The following LMO7 variants were observed in gnomAD, a reference collection of about 807,000 sequenced individuals.
LMO7 encodes the protein LIM domain only protein 7.
A neutral mutation model predicts 206.5 loss-of-function variants in LMO7; 120 were observed. The observed-to-expected ratio is 0.58, with a 90% CI of 0.50 to 0.68. LMO7 has a LOEUF of 0.68. Among genes scored for constraint, LMO7 ranks in the 30% least tolerant of loss-of-function variants. The pLI is 0.00. For missense variants in LMO7, 1,959 were observed against 1,957.9 expected, an observed-to-expected ratio of 1.00 and a Z score of -0.01; for synonymous variants, 706 against 681.5, an observed-to-expected ratio of 1.04 and a Z score of -0.56.
intron 14 of LMO7, among the ~76,000 whole-genome samples, chr13:75,823,087 G>C (rs2057765099): frequency 6.6e-6 from 1 of 151,932 alleles, no homozygotes; most frequent in East Asian, 1.9e-4. Flanking sequence ...AGAACACCAA[G>C]ACCTTTTGGC....
rs766701345 is a variant in LMO7 at position 75,853,113 on chromosome 13, G to A, written c.4386G>A (p.Leu1462=). The change falls in exon 28 of 31, where the codon CTG becomes CTA. Residue 1462 remains leucine (L), a synonymous_variant. Transcript: ENST00000377534. ...IMRRGESLDN[L]DSPRSNSWRQ... is the part of the protein sequence containing the mutation. ...TCAGAGGCGAATCTTTAGATAACCT[G>A]GACTCCCCCCGATCCAATTCTTGGA... The A allele has an allele frequency of 1.2e-6, 2 of 1,608,066 alleles. No homozygotes were observed. The highest frequency in any genetic ancestry group is 1.7e-6 in the Non-Finnish European group (2 of 1,176,226).
chr13:75,736,762 A>G (rs2045858656), intron 3 of LMO7, among the ~76,000 whole-genome samples: 1 of 152,236 alleles, frequency 6.6e-6, no homozygotes, highest in Admixed American at 6.5e-5. Flanking sequence ...CTGACCTCTA[A>G]GGATTCCTTG....
intron 1 of LMO7, among the ~76,000 whole-genome samples, chr13:75,639,212 G>T (rs2036269313): frequency 6.6e-6 from 1 of 152,082 alleles, no homozygotes; most frequent in South Asian, 2.1e-4. Flanking sequence ...TTTTAGAGTG[G>T]AGGAGGAAGA....
In LMO7 at chr13:75,678,743, T is replaced by C. The variant is rs141328217; in HGVS notation, c.70-34439T>C. On this transcript the variant is annotated intron_variant, in intron 1 of 30. Transcript: ENST00000377534. ...AAATGGAGTGATAAATGTCAGAAAA[T>C]GATAAATAATTTTTTTTCTGTTTGA... 4.5e-3 allele frequency among the ~76,000 whole-genome samples: 687 copies of C among 152,266 alleles called. 7 individuals carry two copies. Among genetic ancestry groups the C allele is most frequent in the African/African-American group, 0.016 (658 of 41,548 alleles).
intron 29 of LMO7, among the ~76,000 whole-genome samples, chr13:75,855,640 A>G (rs2060872625): frequency 6.6e-6 from 1 of 152,258 alleles, no homozygotes; most frequent in African/African-American, 2.4e-5. Flanking sequence ...TTTCTCTAAG[A>G]TGCTGTCAGA....
intron 1 of LMO7, among the ~76,000 whole-genome samples, chr13:75,691,309 A>G (rs1350785948): frequency 1.3e-5 from 2 of 152,240 alleles, no homozygotes; most frequent in Non-Finnish European, 2.9e-5. Context: ...GGGTGTGTTG[A>G]GTAGAGGATG....
chr13:75,735,345 G>C (rs1356478692), intron 3 of LMO7, among the ~76,000 whole-genome samples: 1 of 151,432 alleles, frequency 6.6e-6, no homozygotes, highest in Non-Finnish European at 1.5e-5. Context: ...AAGATTGGTG[G>C]GTTCTGTGTG....
At chr13:75,627,525 T>C (rs943333867) in intron 2 of LMO7, 2 of 152,210 alleles carry the variant, frequency 1.3e-5, no homozygotes, top group East Asian at 3.8e-4. Flanking sequence ...TTTGAATTGA[T>C]AGTAAGGTTA....
At chr13:75,707,956 A>T (rs1481509598) in intron 1 of LMO7, among the ~76,000 whole-genome samples, 2 of 152,102 alleles carry the variant, frequency 1.3e-5, no homozygotes, top group African/African-American at 4.8e-5. Context: ...GGGTTTTCTG[A>T]ATAGCTTTGA....
At chr13:75,747,418 G>A (rs555028726) in intron 3 of LMO7, among the ~76,000 whole-genome samples, 8 of 152,244 alleles carry the variant, frequency 5.3e-5, no homozygotes, top group South Asian at 4.2e-4. Flanking sequence ...GGCCTAATAC[G>A]GATGCTACAA....
intron 1 of LMO7, chr13:75,623,122 T>G: frequency 6.2e-6 from 3 of 486,576 alleles, no homozygotes; most frequent in Non-Finnish European, 7.4e-6. Context: ...GGGACCAGCA[T>G]TTATTTATTT....
In LMO7 at chr13:75,684,795, A is replaced by ATGTG. The variant is rs202135001; in HGVS notation, c.70-28377_70-28374dup. 2.0e-4 allele frequency among the ~76,000 whole-genome samples: 30 copies of ATGTG among 151,028 alleles called. No homozygotes were observed. The East Asian group carries it at 5.7e-3, about 29-fold the overall frequency. ...TGTGTGTATATACGTATGTGTATAT[A>ATGTG]TGTGTGTGTGTGTATATGTATATAC... On this transcript the variant is annotated intron_variant, in intron 1 of 30. Transcript: ENST00000377534.
At chr13:75,732,178 C>A (rs1262416708) in intron 3 of LMO7, among the ~76,000 whole-genome samples, 3 of 152,144 alleles carry the variant, frequency 2.0e-5, no homozygotes, top group African/African-American at 4.8e-5. Flanking sequence ...GCCTGCCTTG[C>A]TAGATTGGGG....
intron 26 of LMO7, among the ~76,000 whole-genome samples, chr13:75,848,447 C>CTATG (rs2060181748): frequency 6.6e-6 from 1 of 151,916 alleles, no homozygotes; most frequent in African/African-American, 2.4e-5. Context: ...ATCTATCTAT[C>CTATG]TATCTATCTA....
chr13:75,715,705 T>C (rs2043479095), intron 2 of LMO7, among the ~76,000 whole-genome samples: 1 of 152,222 alleles, frequency 6.6e-6, no homozygotes, highest in South Asian at 2.1e-4. Context: ...AGCTGTGGTG[T>C]TAACGAATAA....
At chr13:75,855,198 T>A in intron 28 of LMO7, 62 bp from the exon 29 acceptor site, 1 of 973,738 alleles carries the variant, frequency 1.0e-6, no homozygotes, top group South Asian at 1.4e-5. Context: ...AGTGTGACTT[T>A]TAAAGAAGAA....
intron 3 of LMO7, among the ~76,000 whole-genome samples, chr13:75,738,174 A>G (rs542445393): frequency 6.6e-6 from 1 of 152,328 alleles, no homozygotes; most frequent in South Asian, 2.1e-4. Flanking sequence ...TATAGTAAAA[A>G]TTTCTGTGTA....
chr13:75,796,619 A>T lies in LMO7; in HGVS notation c.349-17A>T, dbSNP rs79554412. On this transcript the variant is annotated splice_polypyrimidine_tract_variant and intron_variant, in intron 5 of 30. Transcript: ENST00000377534. ...AATCGACTGATCTTGTTGTTCATGG[A>T]TTTTTTTTTTTTTAAGGTTTTGATA... is the stretch of plus-strand genomic sequence containing the variant. 1 of 1,300,470 alleles carries T rather than the reference A, an allele frequency of 7.7e-7. No homozygotes were observed. Among genetic ancestry groups the T allele is most frequent in the Admixed American group, 1.9e-5 (1 of 51,672 alleles). 80.6% of individuals were successfully genotyped at this position (1,300,470 alleles called of 1,614,324 possible).
upstream of LMO7, chr13:75,632,060 T>C (rs1255779459): frequency 2.0e-5 from 3 of 152,198 alleles, no homozygotes; most frequent in African/African-American, 4.8e-5. Flanking sequence ...TACATGACAA[T>C]TGTACTGTTT....
Sources: allele counts gnomAD v4.1 joint callset (sites outside exome capture counted in the v4.1 genomes callset), GRCh38; gene constraint gnomAD v4.1.1; transcripts MANE v1.5; gene names NCBI Gene and HGNC (gene_info 2026-07-23, HGNC 2026-07-21).